The following VWDE variants were observed in gnomAD, a reference collection of about 807,000 sequenced individuals.
The protein encoded by VWDE is von Willebrand factor D and EGF domain-containing protein.
In VWDE, 207 loss-of-function variants were observed where a neutral mutation model predicts 178.4. That is an observed-to-expected ratio of 1.16 (90% CI 1.04 to 1.30). The LOEUF (loss-of-function observed/expected upper bound fraction) is 1.30, where lower values mean the gene tolerates loss of function less well. Ranked by LOEUF, VWDE falls within the 50% of genes most tolerant of loss-of-function variation. The pLI is 0.00. For synonymous variants in VWDE, 738 were observed against 651.4 expected (o/e 1.13, Z -2.02); for missense variants, 2,287 against 1,901.3 (o/e 1.20, Z -3.77).
chr7:12,361,332 T>C (rs1583304435), intron 14 of VWDE, 34 bp downstream of exon 14: 14 of 1,542,938 alleles, frequency 9.1e-6, no homozygotes, highest in African/African-American at 2.8e-5. Flanking sequence ...ATTTACTTTG[T>C]TTATAAATAT....
chr7:12,343,186 A>G lies in VWDE; in HGVS notation c.4079-8T>C, dbSNP rs1351913839. ...AAGGTGGGTTACAATGTTCTGCAGAAACAGATTATGTTATTATGTCAGTTC... is the reference window on the plus strand; with the variant it reads ...AAGGTGGGTTACAATGTTCTGCAGAGACAGATTATGTTATTATGTCAGTTC... On this transcript the variant is annotated splice_region_variant and splice_polypyrimidine_tract_variant and intron_variant, in intron 21 of 28. Transcript: ENST00000275358. 3 of 1,542,238 alleles carry G rather than the reference A, an allele frequency of 1.9e-6. No individual in the cohort carries two copies. The Admixed American group carries it at 5.9e-5, about 30-fold the overall frequency.
rs555314648 is a variant in VWDE, at chr7:12,358,928, C to T, written c.3274+650G>A. On this transcript the variant is annotated intron_variant, in intron 16 of 28. Transcript: ENST00000275358. ...AACACAGTAATGAAATATGCACATACAATTATAATGATATTACACAGCATT... is the reference window on the plus strand; with the variant it reads ...AACACAGTAATGAAATATGCACATATAATTATAATGATATTACACAGCATT... Among the ~76,000 whole-genome samples the T allele has an allele frequency of 2.0e-4, 30 of 152,152 alleles. No individual in the cohort carries two copies. The East Asian group carries it at 5.6e-3, about 28-fold the overall frequency.
intron 12 of VWDE, among the ~76,000 whole-genome samples, chr7:12,367,898 T>C (rs1403104808): frequency 1.3e-5 from 2 of 152,134 alleles, no homozygotes; most frequent in South Asian, 4.1e-4. Context: ...ATGCAATGTA[T>C]TAAAATTTCA....
chr7:12,397,029 C>T (rs1438491856), intron 1 of VWDE, among the ~76,000 whole-genome samples: 1 of 151,870 alleles, frequency 6.6e-6, no homozygotes, highest in South Asian at 2.1e-4. Context: ...TTCTATGAAA[C>T]TACCAATGTT....
At position 12,403,759 on chromosome 7, in the gene VWDE, G is replaced by A; in HGVS notation, c.-43C>T. The A allele has an allele frequency of 8.4e-6, 13 of 1,547,020 alleles. No individual in the cohort carries two copies. Among genetic ancestry groups the A allele is most frequent in the Non-Finnish European group, 1.1e-5 (13 of 1,143,986 alleles). ...GGGCGAAAGGCGTCGCAGAGCCCGG[G>A]CCGCGGGTGCCAGGAGGATGGGGCC... On this transcript the variant is annotated 5_prime_UTR_variant, in exon 1 of 29. Coordinates refer to ENST00000275358, the MANE Select transcript of VWDE (RefSeq NM_001135924.3).
At chr7:12,383,622 T>C in intron 3 of VWDE, 21 bp from the exon 4 acceptor site, 1 of 1,547,458 alleles carries the variant, frequency 6.5e-7, no homozygotes, top group South Asian at 1.2e-5. Flanking sequence ...TTAAGGTTTG[T>C]ATAATTATTC....
intron 7 of VWDE, among the ~76,000 whole-genome samples, chr7:12,375,791 G>A (rs987157782): frequency 2.6e-5 from 4 of 151,832 alleles, no homozygotes; most frequent in Admixed American, 1.3e-4. Context: ...CCTCCCAAAT[G>A]TCCCAATATA....
chr7:12,397,480 C>T (rs1005021772), intron 1 of VWDE, among the ~76,000 whole-genome samples: 25 of 152,050 alleles, frequency 1.6e-4, no homozygotes, highest in African/African-American at 6.0e-4. Flanking sequence ...GGAAAAAACC[C>T]TAGGAAGTAC....
Position 12,393,619 on chromosome 7 carries a change from G to T in VWDE, c.218C>A (p.Ala73Asp), listed in dbSNP as rs561857176. ...WYRFLILDRP[A>D]EMPTKCVEMN... The stretch of plus-strand genomic sequence containing the variant: ...CTCAACACATTTGGTTGGCATCTCG[G>T]CAGGTCTGTCAAGGATGAGAAATCT... Residue 73 changes from alanine (A) to aspartate (D), a missense_variant, in exon 2 of 29, where the codon GCC becomes GAC. Transcript: ENST00000275358. 17 of 1,549,876 alleles carry T rather than the reference G, an allele frequency of 1.1e-5. No homozygotes were observed. The East Asian group carries it at 3.7e-4, about 33-fold the overall frequency.
At position 12,403,726 on chromosome 7, in the gene VWDE, C is replaced by T. The variant is rs1212866597; in HGVS notation, c.-10G>A. The T allele has an allele frequency of 3.2e-6, 5 of 1,550,420 alleles. No homozygotes were observed. Among genetic ancestry groups the T allele is most frequent in the Admixed American group, 2.0e-5 (1 of 50,974 alleles). On this transcript the variant is annotated 5_prime_UTR_variant, in exon 1 of 29. Coordinates refer to ENST00000275358, the MANE Select transcript of VWDE (RefSeq NM_001135924.3). The stretch of plus-strand genomic sequence containing the variant: ...AGGCTCCGCCAGGCATCGCTGCTTC[C>T]GCAGGTGGGGCGAAAGGCGTCGCAG...
In VWDE at chr7:12,380,362, A is replaced by G. The variant is rs1783776754; in HGVS notation, c.789+124T>C. On this transcript the variant is annotated intron_variant, in intron 5 of 28. Coordinates refer to ENST00000275358, the MANE Select transcript of VWDE (RefSeq NM_001135924.3). ...GCACAATTGCAAGGAAAAAAAAACA[A>G]AAAGAAAAATATTAGGGCTTTATAC... 3 of 1,338,254 alleles carry G rather than the reference A, an allele frequency of 2.2e-6. No homozygotes were observed. In the Admixed American group the frequency reaches 8.6e-5, roughly 39 times the overall value. The allele number at this position is 1,338,254 out of a possible 1,614,324, so 82.9% of individuals were successfully genotyped here.
At chr7:12,352,721 C>T (rs1006918830) in intron 18 of VWDE, among the ~76,000 whole-genome samples, 1 of 152,134 alleles carries the variant, frequency 6.6e-6, no homozygotes, top group African/African-American at 2.4e-5. Flanking sequence ...TGGGCAGGCT[C>T]AGCCCAATTT....
chr7:12,379,356 T>C, intron 6 of VWDE, 121 bp downstream of exon 6: 1 of 558,586 alleles, frequency 1.8e-6, no homozygotes, highest in Non-Finnish European at 2.9e-6. Context: ...TGGGGACTCA[T>C]GGGTCTCAAC....
chr7:12,339,680 T>C (rs1364060032), intron 24 of VWDE, among the ~76,000 whole-genome samples: 1 of 152,112 alleles, frequency 6.6e-6, no homozygotes, highest in African/African-American at 2.4e-5. Flanking sequence ...ATAGTAAAAA[T>C]CTACTCTACA....
rs1489172821 is a variant in VWDE at position 12,350,014 on chromosome 7, C to T, written c.3886+1559G>A. ...AGAAAAACAATCTAAAATTACTCCCCAAAATAATGCTAGGACAGACAATCT... is the reference window on the plus strand; with the variant it reads ...AGAAAAACAATCTAAAATTACTCCCTAAAATAATGCTAGGACAGACAATCT... On this transcript the variant is annotated intron_variant, in intron 19 of 28. Coordinates refer to ENST00000275358, the MANE Select transcript of VWDE (RefSeq NM_001135924.3). 3.3e-5 allele frequency among the ~76,000 whole-genome samples: 5 copies of T among 151,892 alleles called. No individual in the cohort carries two copies. In the East Asian group the frequency reaches 9.7e-4, roughly 29 times the overall value.
In VWDE at chr7:12,370,805, T is replaced by TA; in HGVS notation, c.1646dup (p.Thr550AsnfsTer6). ...AATCTACACTAGGGGCTCTGATCGT[T>TA]AGACTCATGCCCCATTCACCAAGAT... is the stretch of plus-strand genomic sequence containing the variant. On this transcript the variant is annotated frameshift_variant, in exon 11 of 29. Transcript: ENST00000275358. LOFTEE classifies it high-confidence loss of function. 1.9e-6 allele frequency: 3 copies of TA among 1,551,204 alleles called. No homozygotes were observed. Among genetic ancestry groups the TA allele is most frequent in the African/African-American group, 1.4e-5 (1 of 73,106 alleles).
intron 3 of VWDE, among the ~76,000 whole-genome samples, chr7:12,387,813 G>T (rs953214078): frequency 6.6e-6 from 1 of 152,120 alleles, no homozygotes; most frequent in African/African-American, 2.4e-5. Flanking sequence ...GTCTAAAAGA[G>T]TGTCTCCCGG....
chr7:12,373,918 G>A (rs969049582), intron 9 of VWDE, among the ~76,000 whole-genome samples: 7 of 151,966 alleles, frequency 4.6e-5, no homozygotes, highest in Admixed American at 6.6e-5. Context: ...GTTCCTTCAG[G>A]TTCTTAACAC....
chr7:12,379,666 G>A (rs1009583534), intron 5 of VWDE, 100 bp from the exon 6 acceptor site: 1 of 696,344 alleles, frequency 1.4e-6, no homozygotes, highest in Non-Finnish European at 2.2e-6. Context: ...TTCATAGATA[G>A]TATATAAAGA....
Sources: allele counts gnomAD v4.1 joint callset (sites outside exome capture counted in the v4.1 genomes callset), GRCh38; gene constraint gnomAD v4.1.1; transcripts MANE v1.5; gene names NCBI Gene and HGNC (gene_info 2026-07-23, HGNC 2026-07-21).